Variants in HOXA3 observed in about 807,000 individuals in gnomAD.
The protein encoded by HOXA3 is homeobox A3.
A neutral mutation model predicts 30.3 loss-of-function variants in HOXA3; 8 were observed. The observed-to-expected ratio is 0.26, with a 90% CI of 0.15 to 0.48. The LOEUF (loss-of-function observed/expected upper bound fraction) is 0.48. Ranked by LOEUF, HOXA3 falls within the 20% of genes least tolerant of loss-of-function variation. The pLI, the probability that HOXA3 is intolerant of heterozygous loss-of-function variation, is 0.99. For missense variants in HOXA3, 653 were observed against 614.4 expected (o/e 1.06, Z -0.66); for synonymous variants, 323 against 273.1 (o/e 1.18, Z -1.80).
At chr7:27,129,161 C>T (rs1406232875) in intron 2 of HOXA3, 5 of 991,040 alleles carry the variant, frequency 5.0e-6, no homozygotes, top group Non-Finnish European at 8.2e-6. Flanking sequence ...GGATGAGGAA[C>T]GGAGCAGGAG....
intron 4 of HOXA3, among the ~76,000 whole-genome samples, chr7:27,119,304 AC>A (rs1371882476): frequency 6.6e-6 from 1 of 151,326 alleles, no homozygotes; most frequent in Non-Finnish European, 1.5e-5. Flanking sequence ...TTCTCTCCCC[AC>A]CCCCACACAA....
At chr7:27,116,971 T>G (rs1348909663) in intron 4 of HOXA3, among the ~76,000 whole-genome samples, 1 of 151,770 alleles carries the variant, frequency 6.6e-6, no homozygotes, top group Non-Finnish European at 1.5e-5. Context: ...CAGAAAGAAA[T>G]AATCTATATT....
chr7:27,145,465 T>G, intron 1 of HOXA3: 4 of 680,658 alleles, frequency 5.9e-6, no homozygotes, highest in East Asian at 2.6e-5. Context: ...TTGTTTTGTT[T>G]TGTTTTGTTT....
At chr7:27,136,160 A>C (rs1785706422) in intron 2 of HOXA3, among the ~76,000 whole-genome samples, 1 of 152,232 alleles carries the variant, frequency 6.6e-6, no homozygotes, top group Non-Finnish European at 1.5e-5. Context: ...TTTGACCTGC[A>C]GTTGTAACGC....
chr7:27,136,517 A>C (rs1438795050), intron 2 of HOXA3, among the ~76,000 whole-genome samples: 1 of 152,158 alleles, frequency 6.6e-6, no homozygotes, highest in East Asian at 1.9e-4. Context: ...ACGCAGCCCT[A>C]ATTGTTGGGA....
chr7:27,132,801 A>G (rs1785601731), intron 2 of HOXA3, among the ~76,000 whole-genome samples: 1 of 152,228 alleles, frequency 6.6e-6, no homozygotes, highest in African/African-American at 2.4e-5. Flanking sequence ...ACGTATTACA[A>G]ATCTGAACCC....
chr7:27,148,658 C>T (rs1345516584), intron 1 of HOXA3, among the ~76,000 whole-genome samples: 1 of 152,260 alleles, frequency 6.6e-6, no homozygotes, highest in East Asian at 1.9e-4. Context: ...GGCCAGAAAC[C>T]ACTGGTTTCA....
Position 27,129,605 on chromosome 7 carries a change from G to A in HOXA3, c.-389-2535C>T, listed in dbSNP as rs751532098. 17 of 1,605,874 alleles carry A rather than the reference G, an allele frequency of 1.1e-5. No homozygotes were observed. The South Asian group carries it at 1.9e-4, about 18-fold the overall frequency. On this transcript the variant is annotated intron_variant, in intron 2 of 5. Transcript: ENST00000612286. ...CCAGAACCCCGAAATAGAAGGCCAA[G>A]GAGGAGGGAGCGGAAGAGAGGGAAA...
At chr7:27,131,968 G>T (rs1785575544) in intron 2 of HOXA3, among the ~76,000 whole-genome samples, 1 of 152,174 alleles carries the variant, frequency 6.6e-6, no homozygotes, top group Non-Finnish European at 1.5e-5. Flanking sequence ...CCTGCTATTT[G>T]GTAATTGAAA....
rs754837607 is a variant in HOXA3 at position 27,107,981 on chromosome 7, C to T, written c.1266G>A (p.Thr422=). The T allele has an allele frequency of 1.2e-6, 2 of 1,608,796 alleles. No individual in the cohort carries two copies. Residue 422 remains threonine (T), a synonymous_variant, in exon 6 of 6, where the codon ACG becomes ACA. Coordinates refer to ENST00000612286, the MANE Select transcript of HOXA3 (RefSeq NM_153631.3). ...PGPGEPHPTY[T]DLTGHHPSQG... is the part of the protein sequence containing the mutation. ...GAGAAGGATGGTGGCCGGTAAGGTCCGTGTAGGTGGGGTGCGGCTCCCCAG... is the reference window on the plus strand; with the variant it reads ...GAGAAGGATGGTGGCCGGTAAGGTCTGTGTAGGTGGGGTGCGGCTCCCCAG...
rs140454137 is a variant in HOXA3, at chr7:27,136,268, A to T, written c.-390+3815T>A. On this transcript the variant is annotated intron_variant, in intron 2 of 5. Coordinates refer to ENST00000612286, the MANE Select transcript of HOXA3 (RefSeq NM_153631.3). ...CCTGCTTCTGCCACTGCCATTTGAAATTAGAGGGTGAAATGGATATTTTTG... is the reference window on the plus strand; with the variant it reads ...CCTGCTTCTGCCACTGCCATTTGAATTTAGAGGGTGAAATGGATATTTTTG... Among the ~76,000 whole-genome samples the T allele has an allele frequency of 1.6e-3, 248 of 152,338 alleles. 2 individuals are homozygous for T. Among genetic ancestry groups the T allele is most frequent in the African/African-American group, 4.3e-3 (177 of 41,574 alleles).
At chr7:27,120,396 C>T (rs141740886) in intron 4 of HOXA3, among the ~76,000 whole-genome samples, 1 of 152,028 alleles carries the variant, frequency 6.6e-6, no homozygotes, top group East Asian at 1.9e-4. Flanking sequence ...CAAAAATTAG[C>T]CAGGCATGGT....
chr7:27,146,750 A>T (rs1782780995), intron 1 of HOXA3, among the ~76,000 whole-genome samples: 4 of 152,040 alleles, frequency 2.6e-5, no homozygotes, highest in African/African-American at 9.7e-5. Flanking sequence ...GTTGGCTAAG[A>T]GTGGGCAGTT....
At chr7:27,109,981 TGGTGGGCAG>T in intron 5 of HOXA3, 125 bp downstream of exon 5, 1 of 1,102,328 alleles carries the variant, frequency 9.1e-7, no homozygotes, top group Non-Finnish European at 1.3e-6. Context: ...AAAACCTTTT[TGGTGGGCAG>T]TGGTGTGGGA....
At chr7:27,145,949 C>G (rs1441371560) in intron 1 of HOXA3, 3 of 1,598,960 alleles carry the variant, frequency 1.9e-6, no homozygotes, top group South Asian at 2.2e-5. Context: ...CGCCGGTAAG[C>G]CAGGGCCTGG....
Position 27,110,281 on chromosome 7 carries a change from C to G in HOXA3, c.360G>C (p.Pro120=), listed in dbSNP as rs369217098. 1 of 1,074,472 alleles carries G rather than the reference C, an allele frequency of 9.3e-7. No individual in the cohort carries two copies. The highest frequency in any genetic ancestry group is 1.1e-6 in the Non-Finnish European group (1 of 873,994). The allele number at this position is 1,074,472 out of a possible 1,614,324, so 66.6% of individuals were successfully genotyped here. ...QPPAPTPAAP[P]PPSSASPPQN... is the part of the protein sequence containing the mutation. ...GAGGAGGGGAGGCAGAAGAGGGAGG[C>G]GGGGGCGCGGCAGGGGTAGGTGCAG... Residue 120 remains proline, a synonymous_variant, in exon 5 of 6, where the codon CCG becomes CCC. Coordinates refer to ENST00000612286, the MANE Select transcript of HOXA3 (RefSeq NM_153631.3).
At chr7:27,133,543 C>T (rs960313693) in intron 2 of HOXA3, among the ~76,000 whole-genome samples, 3 of 152,196 alleles carry the variant, frequency 2.0e-5, no homozygotes, top group African/African-American at 2.4e-5. Context: ...CACGTTTGCT[C>T]ATTTCCACGT....
chr7:27,108,024 T>G lies in HOXA3; in HGVS notation c.1223A>C (p.His408Pro). The change falls in exon 6 of 6, where the codon CAC (histidine) becomes CCC (proline). Residue 408 changes from histidine (H) to proline (P), a missense_variant. Coordinates refer to ENST00000612286, the MANE Select transcript of HOXA3 (RefSeq NM_153631.3). The surrounding 1 kb of genome is among the most constrained non-coding windows in gnomAD (Gnocchi z 5.0). ...CTCCCCAGGCCCCGGCCCGTGGTGG[T>G]GGCCGCTGCCCAGCGGCCCGGCACC... The part of the protein sequence containing the change: ...YGGAGPLGSG[H>P]HHGPGPGEPH... The G allele has an allele frequency of 6.2e-7, 1 of 1,612,680 alleles. No individual in the cohort carries two copies. Among genetic ancestry groups the G allele is most frequent in the Non-Finnish European group, 8.5e-7 (1 of 1,179,218 alleles).
At chr7:27,139,335 C>G (rs1215482496) in intron 2 of HOXA3, among the ~76,000 whole-genome samples, 1 of 152,068 alleles carries the variant, frequency 6.6e-6, no homozygotes, top group African/African-American at 2.4e-5. Flanking sequence ...TCCTGAACAC[C>G]CCCCCACACC....
Sources: allele counts gnomAD v4.1 joint callset (sites outside exome capture counted in the v4.1 genomes callset), GRCh38; gene constraint gnomAD v4.1.1; non-coding constraint Gnocchi (gnomAD v3.1); transcripts MANE v1.5; gene names NCBI Gene and HGNC (gene_info 2026-07-23, HGNC 2026-07-21).